Variants in TNKS observed in about 807,000 individuals in gnomAD.
The protein encoded by TNKS is poly [ADP-ribose] polymerase tankyrase-1.
A neutral mutation model predicts 135.8 loss-of-function variants in TNKS; 72 were observed. That is an observed-to-expected ratio of 0.53 (90% CI 0.44 to 0.64). TNKS has a LOEUF of 0.64. Among genes scored for constraint, TNKS ranks in the 30% least tolerant of loss-of-function variants. The pLI, the probability that TNKS is intolerant of heterozygous loss-of-function variation, is 0.00. For synonymous variants in TNKS, 849 were observed against 649.3 expected (o/e 1.31, Z -4.68); for missense variants, 1,769 against 1,674.0 (o/e 1.06, Z -0.99).
intron 2 of TNKS, among the ~76,000 whole-genome samples, chr8:9,606,904 C>A (rs1008795301): frequency 2.0e-5 from 3 of 152,118 alleles, no homozygotes; most frequent in Non-Finnish European, 2.9e-5. Flanking sequence ...TAGTGCAGAT[C>A]TGTGGAAAGC....
At chr8:9,557,675 A>T (rs184178010) in intron 1 of TNKS, 1 of 152,154 alleles carries the variant, frequency 6.6e-6, no homozygotes, top group Non-Finnish European at 1.5e-5. Flanking sequence ...CACACCAGAG[A>T]TAACTTCTGT....
At chr8:9,730,192 G>C (rs1209690060) in intron 13 of TNKS, among the ~76,000 whole-genome samples, 1 of 152,140 alleles carries the variant, frequency 6.6e-6, no homozygotes, top group Non-Finnish European at 1.5e-5. Flanking sequence ...AACAAACGGA[G>C]CTTACAATTT....
chr8:9,731,915 A>G (rs915945138), intron 14 of TNKS, among the ~76,000 whole-genome samples: 5 of 152,022 alleles, frequency 3.3e-5, no homozygotes, highest in Non-Finnish European at 5.9e-5. Flanking sequence ...AGCCTCCCGA[A>G]TAGCTGGGAC....
At chr8:9,600,011 A>T (rs1163759754) in intron 2 of TNKS, among the ~76,000 whole-genome samples, 1 of 152,200 alleles carries the variant, frequency 6.6e-6, no homozygotes, top group Non-Finnish European at 1.5e-5. Context: ...GTGGGTAATT[A>T]AATATTTTTT....
chr8:9,686,166 C>T (rs1802987455), intron 5 of TNKS, among the ~76,000 whole-genome samples: 1 of 152,170 alleles, frequency 6.6e-6, no homozygotes, highest in Non-Finnish European at 1.5e-5. Flanking sequence ...CTGAGTTGGC[C>T]TGGCAGCTGC....
At chr8:9,683,007 A>G (rs969014610) in intron 5 of TNKS, among the ~76,000 whole-genome samples, 7 of 152,042 alleles carry the variant, frequency 4.6e-5, no homozygotes, top group Non-Finnish European at 7.4e-5. Context: ...TTCAAATTAA[A>G]TTAGATAGAA....
At chr8:9,613,895 C>T (rs1366637136) in intron 2 of TNKS, among the ~76,000 whole-genome samples, 1 of 152,132 alleles carries the variant, frequency 6.6e-6, no homozygotes, top group Non-Finnish European at 1.5e-5. Context: ...TGAAAGCTCC[C>T]ATCATTTAAC....
chr8:9,637,773 A>G (rs1228666821), intron 3 of TNKS, among the ~76,000 whole-genome samples: 2 of 152,210 alleles, frequency 1.3e-5, no homozygotes, highest in Admixed American at 6.5e-5. Context: ...AGAAATATTA[A>G]TGATGCTTTA....
intron 20 of TNKS, among the ~76,000 whole-genome samples, chr8:9,754,016 C>T (rs1218395674): frequency 6.6e-6 from 1 of 152,226 alleles, no homozygotes; most frequent in East Asian, 1.9e-4. Context: ...CCAGTCTCTG[C>T]ATCCATCTTC....
rs1804639209 is a variant in TNKS, at chr8:9,717,069, T to TA, written c.1750-3304dup. ...AACCACCAAAGATAATCTGTTGTAT[T>TA]ATAATATATATATATATATATATAT... On this transcript the variant is annotated intron_variant, in intron 11 of 26. Coordinates refer to ENST00000310430, the MANE Select transcript of TNKS (RefSeq NM_003747.3). Among the ~76,000 whole-genome samples, 8 of 13,360 alleles carry TA rather than the reference T, an allele frequency of 6.0e-4. No individual in the cohort carries two copies. In the South Asian group the frequency reaches 0.019, roughly 32 times the overall value. 8.8% of individuals were successfully genotyped at this position (13,360 alleles called of 152,430 possible). A position where few individuals can be genotyped will look rare whatever the true frequency, so the allele number is the denominator to read the frequency against.
chr8:9,773,312 A>C (rs959558571), intron 26 of TNKS, among the ~76,000 whole-genome samples: 4 of 152,188 alleles, frequency 2.6e-5, no homozygotes, highest in African/African-American at 9.7e-5. Flanking sequence ...CATATGTCTG[A>C]TATTTTTTAA....
At chr8:9,761,013 G>A (rs572583492) in intron 20 of TNKS, among the ~76,000 whole-genome samples, 8 of 152,238 alleles carry the variant, frequency 5.3e-5, no homozygotes, top group Admixed American at 6.5e-5. Flanking sequence ...AGCCTGTCCC[G>A]GGCTTGAGTA....
chr8:9,572,594 A>G (rs1797797611), intron 1 of TNKS, among the ~76,000 whole-genome samples: 1 of 152,330 alleles, frequency 6.6e-6, no homozygotes, highest in Middle Eastern at 3.4e-3. Context: ...TCCATGAAAT[A>G]TAGTAAAACA....
chr8:9,556,264 T>C lies in TNKS; in HGVS notation c.325T>C (p.Ser109Pro). The C allele has an allele frequency of 6.2e-7, 1 of 1,614,254 alleles. No homozygotes were observed. The part of the protein sequence containing the change: ...VAAAPVVPAV[S>P]TSSAAGVAPN... ...CGCCGCTCCCGTGGTCCCAGCGGTT[T>C]CTACTTCATCTGCCGCTGGGGTCGC... Residue 109 changes from serine (S) to proline (P), a missense_variant, in exon 1 of 27, where the codon TCT becomes CCT. By Grantham distance (74) the Ser-to-Pro change is moderately conservative. Coordinates refer to ENST00000310430, the MANE Select transcript of TNKS (RefSeq NM_003747.3).
chr8:9,592,934 A>G (rs1798640686), intron 2 of TNKS, among the ~76,000 whole-genome samples: 1 of 152,234 alleles, frequency 6.6e-6, no homozygotes, highest in Non-Finnish European at 1.5e-5. Context: ...TGTTTAGATT[A>G]TCTTCCATTT....
At chr8:9,615,043 G>GGGTTA (rs1278185685) in intron 2 of TNKS, among the ~76,000 whole-genome samples, 1 of 152,144 alleles carries the variant, frequency 6.6e-6, no homozygotes, top group African/African-American at 2.4e-5. Flanking sequence ...CAGGGGACCA[G>GGGTTA]GGTTACACAC....
Position 9,555,991 on chromosome 8 carries a change from C to G in TNKS, c.52C>G (p.Leu18Val). 1 of 1,613,480 alleles carries G rather than the reference C, an allele frequency of 6.2e-7. No individual in the cohort carries two copies. Among genetic ancestry groups the G allele is most frequent in the Non-Finnish European group, 8.5e-7 (1 of 1,179,874 alleles). ...QHHHHHHQQQ[L>V]QPAPGASAPP... is the part of the protein sequence containing the mutation. ...TCATCACCACCATCATCAACAACAG[C>G]TCCAGCCCGCCCCAGGGGCTTCAGC... Residue 18 changes from leucine (L) to valine (V), a missense_variant, in exon 1 of 27, where the codon CTC (leucine) becomes GTC (valine). Physicochemically the swap from Leu to Val is conservative, Grantham distance 32 (BLOSUM62 1). Transcript: ENST00000310430.
In TNKS at chr8:9,734,893, G is replaced by A; in HGVS notation, c.2342G>A (p.Arg781Lys). 1 of 1,614,106 alleles carries A rather than the reference G, an allele frequency of 6.2e-7. No homozygotes were observed. Among genetic ancestry groups the A allele is most frequent in the Non-Finnish European group, 8.5e-7 (1 of 1,179,996 alleles). ...KHGADPTKKN[R>K]DGNTPLDLVK... Reference sequence around the variant, plus strand: ...GGAGCAGATCCAACTAAAAAGAACAGAGATGGAAATACACCTTTGGATTTG... The same window carrying A: ...GGAGCAGATCCAACTAAAAAGAACAAAGATGGAAATACACCTTTGGATTTG... Residue 781 changes from arginine (R) to lysine (K), a missense_variant, in exon 16 of 27, where the codon AGA becomes AAA. Arg to Lys is a conservative substitution (Grantham distance 26). Transcript: ENST00000310430.
intron 25 of TNKS, among the ~76,000 whole-genome samples, chr8:9,769,256 C>G (rs1585445569): frequency 6.6e-6 from 1 of 152,316 alleles, no homozygotes; most frequent in East Asian, 1.9e-4. Context: ...TGGATTGAGC[C>G]ATGGGCTATA....
Sources: gnomAD v4.1 joint callset for allele counts (sites outside exome capture counted in the v4.1 genomes callset) on GRCh38, gnomAD v4.1.1 for gene constraint, MANE v1.5 for transcripts, NCBI Gene and HGNC (gene_info 2026-07-23, HGNC 2026-07-21) for gene names.